SLC41A3: variants seen among roughly 807,000 people sequenced by gnomAD.
SLC41A3 encodes SLC41A1-like 2.
In SLC41A3, 44 loss-of-function variants were observed where a neutral mutation model predicts 45.4. The observed-to-expected ratio is 0.97, with a 90% CI of 0.76 to 1.25. SLC41A3 has a LOEUF of 1.25. Among genes scored for constraint, SLC41A3 ranks in the 50% most tolerant of loss-of-function variants. The pLI, the probability that SLC41A3 is intolerant of heterozygous loss-of-function variation, is 0.00. For missense variants in SLC41A3, 550 were observed against 600.6 expected (o/e 0.92, Z 0.88); for synonymous variants, 256 against 252.4 (o/e 1.01, Z -0.13).
chr3:126,079,058 G>A (rs1356637011), intron 1 of SLC41A3: 1 of 152,202 alleles, frequency 6.6e-6, no homozygotes, highest in African/African-American at 2.4e-5. Context: ...AGACGCCCAA[G>A]GCTTATGGAC....
chr3:126,053,961 A>G (rs775407456), intron 2 of SLC41A3, among the ~76,000 whole-genome samples: 50 of 152,172 alleles, frequency 3.3e-4, no homozygotes, highest in Non-Finnish European at 6.0e-4. Flanking sequence ...AAAGATGCCT[A>G]TATCAGTCAT....
chr3:126,082,126 C>T (rs980677242), intron 1 of SLC41A3, among the ~76,000 whole-genome samples: 2 of 152,258 alleles, frequency 1.3e-5, no homozygotes, highest in African/African-American at 4.8e-5. Context: ...GGCCCCTCAG[C>T]TCCACCTGAA....
At chr3:126,039,479 G>T (rs773605689) in intron 3 of SLC41A3, among the ~76,000 whole-genome samples, 1 of 152,328 alleles carries the variant, frequency 6.6e-6, no homozygotes. Flanking sequence ...GACCAGTGAG[G>T]TGAGGTGCCT....
At chr3:126,022,167 C>T (rs1263132382) in intron 6 of SLC41A3, among the ~76,000 whole-genome samples, 1 of 152,206 alleles carries the variant, frequency 6.6e-6, no homozygotes, top group Non-Finnish European at 1.5e-5. Context: ...CATTTGAAAT[C>T]TTTCCTTCCA....
At chr3:126,040,413 G>C (rs892678261) in intron 3 of SLC41A3, among the ~76,000 whole-genome samples, 20 of 152,170 alleles carry the variant, frequency 1.3e-4, no homozygotes, top group Non-Finnish European at 2.6e-4. Context: ...AAATTGGGTT[G>C]ACGAGAGAAT....
In SLC41A3 at chr3:126,059,311, G is replaced by GAAAGAAAGAAAGAAAGAAAGAAAGAAAGA. The variant is rs1576331873; in HGVS notation, c.274-8262_274-8261insTCTTTCTTTCTTTCTTTCTTTCTTTCTTT. On this transcript the variant is annotated intron_variant, in intron 2 of 10. Transcript: ENST00000360370. Reference sequence around the variant, plus strand: ...GAAAGAAAGAAAGAAAGAAAGAAAGGAAGGATGATCTGTGATAAGTGCTCT... The same window carrying GAAAGAAAGAAAGAAAGAAAGAAAGAAAGA: ...GAAAGAAAGAAAGAAAGAAAGAAAGGAAAGAAAGAAAGAAAGAAAGAAAGAAAGAAAGGATGATCTGTGATAAGTGCTCT... Among the ~76,000 whole-genome samples, 110 of 81,052 alleles carry GAAAGAAAGAAAGAAAGAAAGAAAGAAAGA rather than the reference G, an allele frequency of 1.4e-3. 1 individual carries two copies. Among genetic ancestry groups the GAAAGAAAGAAAGAAAGAAAGAAAGAAAGA allele is most frequent in the East Asian group, 3.3e-3 (9 of 2,736 alleles). The allele number at this position is 81,052 out of a possible 152,430, so 53.2% of individuals were successfully genotyped here. A position where few individuals can be genotyped will look rare whatever the true frequency, so the allele number is the denominator to read the frequency against.
chr3:126,064,175 G>A (rs1944232013), intron 2 of SLC41A3, among the ~76,000 whole-genome samples: 2 of 151,950 alleles, frequency 1.3e-5, no homozygotes, highest in Non-Finnish European at 2.9e-5. Flanking sequence ...TACGAAGTGC[G>A]GCCTCAACAC....
intron 1 of SLC41A3, among the ~76,000 whole-genome samples, chr3:126,099,449 C>T (rs536260631): frequency 2.1e-4 from 32 of 152,274 alleles, no homozygotes; most frequent in African/African-American, 6.3e-4. Flanking sequence ...TGGTGACTCA[C>T]GCCCATAATC....
Position 126,015,498 on chromosome 3 carries a change from T to C in SLC41A3, c.966A>G (p.Ile322Met), listed in dbSNP as rs765969988. 4.3e-6 allele frequency: 7 copies of C among 1,614,072 alleles called. No individual in the cohort carries two copies. In the African/African-American group the frequency reaches 9.3e-5, roughly 22 times the overall value. Residue 322 changes from isoleucine (I) to methionine (M), a missense_variant, in exon 8 of 11, where the codon ATA (isoleucine) becomes ATG (methionine). By Grantham distance (10) the Ile-to-Met change is conservative. Transcript: ENST00000360370. ...YKGMAIFTPV[I>M]CGVGGNLVAI... The stretch of plus-strand genomic sequence containing the variant: ...GGGAACCCTTCAAATACGTACCACA[T>C]ATGACGGGGGTAAATATCGCCATGC...
At chr3:126,056,209 C>T in intron 2 of SLC41A3, 2 of 939,152 alleles carry the variant, frequency 2.1e-6, no homozygotes, top group Non-Finnish European at 1.6e-6. Flanking sequence ...GCCTCGCTGA[C>T]ACCCGGGACG....
At chr3:126,094,375 G>A (rs898652476) in intron 1 of SLC41A3, among the ~76,000 whole-genome samples, 6 of 152,202 alleles carry the variant, frequency 3.9e-5, no homozygotes, top group African/African-American at 1.4e-4. Flanking sequence ...ACTAAGTAAA[G>A]AGAAACTGGA....
At chr3:126,067,890 T>C in intron 2 of SLC41A3, 57 bp downstream of exon 2, 1 of 1,517,678 alleles carries the variant, frequency 6.6e-7, no homozygotes, top group Admixed American at 2.2e-5. Flanking sequence ...AGCTGCCTAC[T>C]CTATAGGTGA....
intron 1 of SLC41A3, among the ~76,000 whole-genome samples, chr3:126,094,453 A>G (rs1945554501): frequency 6.6e-6 from 1 of 152,312 alleles, no homozygotes; most frequent in East Asian, 1.9e-4. Flanking sequence ...TTCGCCTTGG[A>G]ATTCTCCAGT....
chr3:126,087,855 T>C (rs1945424148), upstream of SLC41A3, among the ~76,000 whole-genome samples: 1 of 152,058 alleles, frequency 6.6e-6, no homozygotes, highest in Non-Finnish European at 1.5e-5. Context: ...TAGTAGTCTT[T>C]CTAGAGATGG....
chr3:126,016,928 C>A, intron 6 of SLC41A3, 53 bp from the exon 7 acceptor site: 1 of 1,591,776 alleles, frequency 6.3e-7, no homozygotes. Context: ...CCAGCACACA[C>A]AGGCTGGGCC....
In SLC41A3 at chr3:126,037,644, A is replaced by G. The variant is rs1559842189; in HGVS notation, c.382-3966T>C. On this transcript the variant is annotated intron_variant, in intron 3 of 10. Coordinates refer to ENST00000360370, the MANE Select transcript of SLC41A3 (RefSeq NM_017836.4). Reference sequence around the variant, plus strand: ...TGTGGCTGCTTCTAACAACCTAAAAACAGATGTGGGGGCAAATGAATGACT... The same window carrying G: ...TGTGGCTGCTTCTAACAACCTAAAAGCAGATGTGGGGGCAAATGAATGACT... Among the ~76,000 whole-genome samples the G allele has an allele frequency of 3.9e-5, 6 of 152,284 alleles. No individual in the cohort carries two copies. The East Asian group carries it at 1.2e-3, about 29-fold the overall frequency.
chr3:126,077,915 C>CGGTGT (rs1944955382), intron 1 of SLC41A3, among the ~76,000 whole-genome samples: 1 of 152,192 alleles, frequency 6.6e-6, no homozygotes. Flanking sequence ...GGAGGCATCT[C>CGGTGT]GAGTTGGCGG....
At chr3:126,015,451 C>T in intron 8 of SLC41A3, 43 bp downstream of exon 8, 1 of 1,606,030 alleles carries the variant, frequency 6.2e-7, no homozygotes, top group South Asian at 1.1e-5. Context: ...TCCTGTGGGC[C>T]TACCCAACCC....
Position 126,006,972 on chromosome 3 carries a change from G to A in SLC41A3, c.*44C>T, listed in dbSNP as rs1219795510. Reference sequence around the variant, plus strand: ...AAACTGAATTCTGTATCCCACTGATGTGAGAGGAAATTCTAATGAGCAAAT... The same window carrying A: ...AAACTGAATTCTGTATCCCACTGATATGAGAGGAAATTCTAATGAGCAAAT... On this transcript the variant is annotated 3_prime_UTR_variant, in exon 11 of 11. Coordinates refer to ENST00000360370, the MANE Select transcript of SLC41A3 (RefSeq NM_017836.4). The A allele has an allele frequency of 2.5e-6, 4 of 1,613,182 alleles. No homozygotes were observed. In the South Asian group the frequency reaches 4.4e-5, roughly 18 times the overall value.
Sources: allele counts gnomAD v4.1 joint callset (sites outside exome capture counted in the v4.1 genomes callset), GRCh38; gene constraint gnomAD v4.1.1; transcripts MANE v1.5; gene names NCBI Gene and HGNC (gene_info 2026-07-23, HGNC 2026-07-21).